Variants in MBP observed in about 807,000 individuals in gnomAD.
MBP encodes myelin basic protein.
Under a neutral mutation model 35.8 loss-of-function variants are expected in MBP, and 16 were observed. The ratio of observed to expected loss-of-function variants is 0.45; its 90% CI spans 0.30 to 0.68. The LOEUF (loss-of-function observed/expected upper bound fraction) is 0.68. MBP is among the 30% of genes least tolerant of loss of function. MBP has a pLI of 0.08. For missense variants in MBP, 380 were observed against 404.7 expected (o/e 0.94, Z 0.52); for synonymous variants, 143 against 159.6 (o/e 0.90, Z 0.78).
At chr18:76,991,085 G>A (rs1057370814) in intron 4 of MBP, among the ~76,000 whole-genome samples, 4 of 152,204 alleles carry the variant, frequency 2.6e-5, no homozygotes, top group African/African-American at 9.7e-5. Flanking sequence ...ACACACAACA[G>A]CATGAGGCAG....
At position 77,066,710 on chromosome 18, in the gene MBP, A is replaced by G. The variant is rs1408935180; in HGVS notation, c.52-325T>C. On this transcript the variant is annotated intron_variant, in intron 2 of 8. Coordinates refer to ENST00000355994, the MANE Select transcript of MBP (RefSeq NM_001025101.2). ...ATTCCAAGGGTGAGCCCACATAGTT[A>G]CTGCTTTAGATTCTAAGTGACACTG... The G allele has an allele frequency of 9.1e-6, 5 of 551,508 alleles. No homozygotes were observed. In the African/African-American group the frequency reaches 9.4e-5, roughly 10 times the overall value. 34.2% of individuals were successfully genotyped at this position (551,508 alleles called of 1,614,324 possible).
intron 3 of MBP, among the ~76,000 whole-genome samples, chr18:77,051,675 C>T (rs544529322): frequency 7.2e-5 from 11 of 152,292 alleles, no homozygotes; most frequent in Non-Finnish European, 1.5e-4. Context: ...TAATTAGTAA[C>T]ACCTTTCCTG....
intron 4 of MBP, among the ~76,000 whole-genome samples, chr18:76,995,600 T>C (rs1970225406): frequency 6.6e-6 from 1 of 151,998 alleles, no homozygotes; most frequent in African/African-American, 2.4e-5. Context: ...ACAAACAGCA[T>C]TGAAGCAATT....
intron 1 of MBP, among the ~76,000 whole-genome samples, chr18:77,121,611 A>C (rs534359537): frequency 2.2e-4 from 33 of 152,354 alleles, no homozygotes; most frequent in African/African-American, 7.9e-4. Context: ...GGCATATGAA[A>C]ATAATGACAG....
rs1277300683 is a variant in MBP, at chr18:77,028,752, AT to A, written c.140-11485del. 7.0e-5 allele frequency among the ~76,000 whole-genome samples: 6 copies of A among 86,276 alleles called. 1 individual carries two copies. Among genetic ancestry groups the A allele is most frequent in the Admixed American group, 6.4e-4 (5 of 7,786 alleles). The allele number at this position is 86,276 out of a possible 152,430, so 56.6% of individuals were successfully genotyped here. A position where few individuals can be genotyped will look rare whatever the true frequency, so the allele number is the denominator to read the frequency against. On this transcript the variant is annotated intron_variant, in intron 3 of 8. Coordinates refer to ENST00000355994, the MANE Select transcript of MBP (RefSeq NM_001025101.2). ...GGGCGGCTGGCCAGGCGGGGGGCTGATCCCCCCACCTCCCTCCCGGACGGGG... is the reference window on the plus strand; with the variant it reads ...GGGCGGCTGGCCAGGCGGGGGGCTGACCCCCCACCTCCCTCCCGGACGGGG...
intron 3 of MBP, among the ~76,000 whole-genome samples, chr18:77,029,424 TGGGGAGAGGGAGAGGGAG>T (rs1972450862): frequency 2.6e-5 from 1 of 37,888 alleles, no homozygotes; most frequent in Non-Finnish European, 4.8e-5. Context: ...AGGGAGACCG[TGGGGAGAGGGAGAGGGAG>T]GGGGAGGGGG....
At chr18:77,120,160 G>GA (rs1436852137) in intron 1 of MBP, among the ~76,000 whole-genome samples, 1 of 152,244 alleles carries the variant, frequency 6.6e-6, no homozygotes, top group African/African-American at 2.4e-5. Context: ...CGCTTGGTGC[G>GA]AGCATTCTTC....
At chr18:77,048,739 C>T (rs1031439579) in intron 3 of MBP, among the ~76,000 whole-genome samples, 1 of 152,170 alleles carries the variant, frequency 6.6e-6, no homozygotes, top group African/African-American at 2.4e-5. Flanking sequence ...GTTGGGATTA[C>T]AGGCGTGAGC....
chr18:76,980,735 G>C (rs1969145161), intron 8 of MBP: 1 of 488,368 alleles, frequency 2.0e-6, no homozygotes, highest in African/African-American at 2.0e-5. Flanking sequence ...CATAACCACT[G>C]CTCTGCAAAA....
rs56285103 is a variant in MBP at position 77,081,794 on chromosome 18, G to T, written c.52-15409C>A. Among the ~76,000 whole-genome samples the T allele has an allele frequency of 1.0e-4, 5 of 49,050 alleles. No homozygotes were observed. The South Asian group carries it at 2.2e-3, about 22-fold the overall frequency. 32.2% of individuals were successfully genotyped at this position (49,050 alleles called of 152,430 possible). On this transcript the variant is annotated intron_variant, in intron 2 of 8. Coordinates refer to ENST00000355994, the MANE Select transcript of MBP (RefSeq NM_001025101.2). The stretch of plus-strand genomic sequence containing the variant: ...CACACACACACACACACACACACAC[G>T]TATATATATATGCACACACATATAT...
chr18:77,048,943 G>A (rs945604580), intron 3 of MBP, among the ~76,000 whole-genome samples: 1 of 140,552 alleles, frequency 7.1e-6, no homozygotes, highest in Non-Finnish European at 1.5e-5. Context: ...TTTTTGATAT[G>A]GAGTCTCGCT....
At chr18:77,064,311 C>A (rs1974102132) in intron 3 of MBP, among the ~76,000 whole-genome samples, 1 of 152,214 alleles carries the variant, frequency 6.6e-6, no homozygotes, top group African/African-American at 2.4e-5. Context: ...ATGGACGCGG[C>A]TGCCTTCAAC....
rs1376761947 is a variant in MBP at position 77,130,055 on chromosome 18, AAAAAAG to A, written c.-26+2519_-26+2524del. Among the ~76,000 whole-genome samples the A allele has an allele frequency of 2.2e-3, 340 of 151,858 alleles. 1 individual carries two copies. Among genetic ancestry groups the A allele is most frequent in the African/African-American group, 7.3e-3 (303 of 41,406 alleles). ...CAGAGCAAGACTCTGTCAAAAAAAA[AAAAAAG>A]AAAAAGAAAAGGAGTAATTAGAATA... On this transcript the variant is annotated intron_variant, in intron 1 of 8. Coordinates refer to ENST00000355994, the MANE Select transcript of MBP (RefSeq NM_001025101.2).
In MBP at chr18:76,988,144, C is replaced by G. The variant is rs936792104; in HGVS notation, c.750+351G>C. The G allele has an allele frequency of 6.5e-6, 10 of 1,533,082 alleles. No homozygotes were observed. Among genetic ancestry groups the G allele is most frequent in the Non-Finnish European group, 8.7e-6 (10 of 1,144,696 alleles). The allele number at this position is 1,533,082 out of a possible 1,614,324, so 95.0% of individuals were successfully genotyped here. A position where few individuals can be genotyped will look rare whatever the true frequency, so the allele number is the denominator to read the frequency against. On this transcript the variant is annotated intron_variant, in intron 7 of 8. Transcript: ENST00000355994. The surrounding 1 kb of genome is among the most constrained non-coding windows in gnomAD (Gnocchi z 5.2). ...CCACATGCGGGTTCCTGGGGCTTCTCGCACTGGTTGTGTTGGAGGAAGTTA... is the reference window on the plus strand; with the variant it reads ...CCACATGCGGGTTCCTGGGGCTTCTGGCACTGGTTGTGTTGGAGGAAGTTA...
chr18:77,028,404 AC>A (rs1460577745), intron 3 of MBP, among the ~76,000 whole-genome samples: 2 of 120,336 alleles, frequency 1.7e-5, no homozygotes, highest in Admixed American at 1.8e-4. Flanking sequence ...CTACACAGAC[AC>A]GGCAACCATC....
At position 77,017,253 on chromosome 18, in the gene MBP, T is replaced by C. The variant is rs779241556; in HGVS notation, c.155A>G (p.Asn52Ser). 1 of 1,511,512 alleles carries C rather than the reference T, an allele frequency of 6.6e-7. No homozygotes were observed. The highest frequency in any genetic ancestry group is 8.8e-7 in the Non-Finnish European group (1 of 1,131,078). The allele number at this position is 1,511,512 out of a possible 1,614,324, so 93.6% of individuals were successfully genotyped here. The change falls in exon 4 of 9, where the codon AAC (asparagine) becomes AGC (serine). Residue 52 changes from asparagine to serine, a missense_variant. Transcript: ENST00000355994. Reference sequence around the variant, plus strand: ...CTGAGAGGAGGTCCCATTGTTCTGGTTCGCATCTGCCTCTCCTGCAAACAA... The same window carrying C: ...CTGAGAGGAGGTCCCATTGTTCTGGCTCGCATCTGCCTCTCCTGCAAACAA... ...DNEVFGEADA[N>S]QNNGTSSQDT...
intron 8 of MBP, chr18:76,983,676 C>A (rs763947136): frequency 6.6e-6 from 1 of 152,208 alleles, no homozygotes; most frequent in African/African-American, 2.4e-5. Flanking sequence ...CTCCTAAGAC[C>A]GGCTATCCTT....
At chr18:77,058,786 C>A (rs1973846836) in intron 3 of MBP, among the ~76,000 whole-genome samples, 1 of 152,236 alleles carries the variant, frequency 6.6e-6, no homozygotes, top group African/African-American at 2.4e-5. Context: ...GGCTCCTCGG[C>A]CGGCCGACTG....
chr18:77,054,607 G>A (rs1170144948), intron 3 of MBP, among the ~76,000 whole-genome samples: 8 of 152,234 alleles, frequency 5.3e-5, no homozygotes, highest in Non-Finnish European at 7.3e-5. Flanking sequence ...AGAGGTGCTT[G>A]CTAAGTATCA....
Sources: gnomAD v4.1 joint callset for allele counts (sites outside exome capture counted in the v4.1 genomes callset) on GRCh38, gnomAD v4.1.1 for gene constraint, Gnocchi (gnomAD v3.1) non-coding constraint, MANE v1.5 for transcripts, NCBI Gene and HGNC (gene_info 2026-07-23, HGNC 2026-07-21) for gene names.